RAPGEF5: variants seen among roughly 807,000 people sequenced by gnomAD.
RAPGEF5 encodes M-Ras-regulated GEF.
A neutral mutation model predicts 125.2 loss-of-function variants in RAPGEF5; 65 were observed. The ratio of observed to expected loss-of-function variants is 0.52; its 90% confidence interval spans 0.43 to 0.64. The LOEUF is 0.64. Among genes scored for constraint, RAPGEF5 ranks in the 30% least tolerant of loss-of-function variants. RAPGEF5 has a pLI of 0.00. For missense variants in RAPGEF5, 958 were observed against 1,048.1 expected, an observed-to-expected ratio of 0.91 and a Z score of 1.19; for synonymous variants, 391 against 385.9, an observed-to-expected ratio of 1.01 and a Z score of -0.16.
chr7:22,289,792 C>CG (rs1782888192), intron 6 of RAPGEF5, among the ~76,000 whole-genome samples: 1 of 152,074 alleles, frequency 6.6e-6, no homozygotes, highest in African/African-American at 2.4e-5. Context: ...GATTGTATCA[C>CG]GGGGGCAGTT....
intron 1 of RAPGEF5, among the ~76,000 whole-genome samples, chr7:22,323,142 G>C (rs1171491201): frequency 6.6e-6 from 1 of 152,196 alleles, no homozygotes; most frequent in Non-Finnish European, 1.5e-5. Flanking sequence ...CTAAGCTGAA[G>C]TATCTTCATG....
At chr7:22,154,411 G>C in intron 17 of RAPGEF5, 44 bp downstream of exon 17, 2 of 1,601,870 alleles carry the variant, frequency 1.2e-6, no homozygotes, top group East Asian at 4.5e-5. Context: ...CCTTTTGAAG[G>C]AGATCAGTGA....
At chr7:22,332,446 TATAA>T (rs1251446771) in intron 1 of RAPGEF5, among the ~76,000 whole-genome samples, 1 of 152,244 alleles carries the variant, frequency 6.6e-6, no homozygotes, top group Admixed American at 6.5e-5. Flanking sequence ...AAAGTCATCA[TATAA>T]ATAAAGCCCT....
At chr7:22,306,618 A>G (rs1017466681) in intron 5 of RAPGEF5, among the ~76,000 whole-genome samples, 1 of 152,132 alleles carries the variant, frequency 6.6e-6, no homozygotes, top group African/African-American at 2.4e-5. Flanking sequence ...GTGCTTGTGG[A>G]GTATTGCTCA....
intron 1 of RAPGEF5, among the ~76,000 whole-genome samples, chr7:22,323,624 T>G (rs1783758419): frequency 6.6e-6 from 1 of 152,192 alleles, no homozygotes; most frequent in Admixed American, 6.5e-5. Context: ...TTATCTCCAC[T>G]TGTCACTGAA....
At position 22,153,292 on chromosome 7, in the gene RAPGEF5, T is replaced by C. The variant is rs373734800; in HGVS notation, c.1786+1163A>G. ...CTTAATACTGTTTAAAATCCTTTTA[T>C]ATTTTTGGTCACTTGAAAATTAAAC... On this transcript the variant is annotated intron_variant, in intron 17 of 25. Coordinates refer to ENST00000665637, the MANE Select transcript of RAPGEF5 (RefSeq NM_012294.5). Among the ~76,000 whole-genome samples, 9 of 152,242 alleles carry C rather than the reference T, an allele frequency of 5.9e-5. No individual in the cohort carries two copies. The East Asian group carries it at 1.3e-3, about 23-fold the overall frequency.
chr7:22,142,980 A>C (rs1205602504), intron 20 of RAPGEF5, among the ~76,000 whole-genome samples: 2 of 152,206 alleles, frequency 1.3e-5, no homozygotes, highest in Non-Finnish European at 2.9e-5. Context: ...AGCATTCAAG[A>C]GCATGGGGCC....
chr7:22,150,728 G>T (rs1468406615), intron 17 of RAPGEF5, among the ~76,000 whole-genome samples: 1 of 152,128 alleles, frequency 6.6e-6, no homozygotes, highest in East Asian at 1.9e-4. Context: ...GAGTCCTCTT[G>T]CAGTTATTTC....
chr7:22,314,623 T>C, intron 3 of RAPGEF5: 2 of 982,490 alleles, frequency 2.0e-6, no homozygotes, highest in Non-Finnish European at 2.4e-6. Context: ...TGATGGGTAT[T>C]GCACGTCATT....
intron 9 of RAPGEF5, chr7:22,202,980 A>T: frequency 3.8e-6 from 1 of 264,356 alleles, no homozygotes; most frequent in Non-Finnish European, 7.9e-6. Context: ...ACTAACACTG[A>T]AGTATTACAA....
At chr7:22,276,009 G>A (rs1252282008) in intron 6 of RAPGEF5, among the ~76,000 whole-genome samples, 1 of 152,118 alleles carries the variant, frequency 6.6e-6, no homozygotes, top group Non-Finnish European at 1.5e-5. Context: ...TTTCAAAGCT[G>A]CTCTTACAAC....
At chr7:22,152,485 A>G (rs2128107783) in intron 17 of RAPGEF5, among the ~76,000 whole-genome samples, 1 of 152,324 alleles carries the variant, frequency 6.6e-6, no homozygotes, top group Non-Finnish European at 1.5e-5. Context: ...GTTTGTCACT[A>G]TAATATGAAA....
At chr7:22,332,133 C>A (rs1339881374) in intron 1 of RAPGEF5, among the ~76,000 whole-genome samples, 2 of 152,106 alleles carry the variant, frequency 1.3e-5, no homozygotes, top group African/African-American at 4.8e-5. Flanking sequence ...AAAATTTTAA[C>A]TATATTTGAC....
chr7:22,241,421 A>G (rs1786328249), intron 7 of RAPGEF5, among the ~76,000 whole-genome samples: 2 of 152,162 alleles, frequency 1.3e-5, no homozygotes, highest in Non-Finnish European at 2.9e-5. Context: ...GCAGTCCAAG[A>G]TAAGTCCAGG....
chr7:22,119,995 A>G lies in RAPGEF5; in HGVS notation c.*2411T>C, dbSNP rs1236396958. 1 of 152,218 alleles carries G rather than the reference A, an allele frequency of 6.6e-6. No homozygotes were observed. The highest frequency in any genetic ancestry group is 2.4e-5 in the African/African-American group (1 of 41,448). The allele number at this position is 152,218 out of a possible 1,614,324, so 9.4% of individuals were successfully genotyped here. A position where few individuals can be genotyped will look rare whatever the true frequency, so the allele number is the denominator to read the frequency against. ...TCGGGCTTGAATTCTTTAATTCCAG[A>G]TCTAAGATTCTGCAAAGCTTTGGAA... On this transcript the variant is annotated 3_prime_UTR_variant, in exon 26 of 26. Transcript: ENST00000665637. This position sits in a 1 kb window ranked among gnomAD's most constrained non-coding sequence, Gnocchi z 4.1.
At position 22,121,455 on chromosome 7, in the gene RAPGEF5, G is replaced by A. The variant is rs1001705689; in HGVS notation, c.*951C>T. Reference sequence around the variant, plus strand: ...CTGCACTGGCTGCTGTCATTCCATAGTGTGGGCAAGGAGCCTGTATGAGGT... The same window carrying A: ...CTGCACTGGCTGCTGTCATTCCATAATGTGGGCAAGGAGCCTGTATGAGGT... On this transcript the variant is annotated 3_prime_UTR_variant, in exon 26 of 26. Transcript: ENST00000665637. 6.6e-6 allele frequency: 1 copy of A among 152,172 alleles called. No individual in the cohort carries two copies. Among genetic ancestry groups the A allele is most frequent in the Non-Finnish European group, 1.5e-5 (1 of 68,040 alleles). The allele number at this position is 152,172 out of a possible 1,614,324, so 9.4% of individuals were successfully genotyped here.
chr7:22,194,550 AG>A (rs1785100718), intron 9 of RAPGEF5: 1 of 962,892 alleles, frequency 1.0e-6, no homozygotes, highest in East Asian at 1.2e-4. Flanking sequence ...AAAGGCGGCA[AG>A]AAAAAAAAAA....
intron 9 of RAPGEF5, among the ~76,000 whole-genome samples, chr7:22,203,679 G>A (rs144501191): frequency 1.3e-5 from 2 of 152,164 alleles, no homozygotes; most frequent in African/African-American, 4.8e-5. Context: ...AAGGCCCGAG[G>A]GAATAGGTGA....
chr7:22,346,173 T>C (rs1237408824), intron 1 of RAPGEF5, among the ~76,000 whole-genome samples: 3 of 152,160 alleles, frequency 2.0e-5, no homozygotes, highest in African/African-American at 4.8e-5. Flanking sequence ...TATCCCACCA[T>C]TGGTTCCCAT....
Sources: gnomAD v4.1 joint callset for allele counts (sites outside exome capture counted in the v4.1 genomes callset) on GRCh38, gnomAD v4.1.1 for gene constraint, Gnocchi (gnomAD v3.1) non-coding constraint, MANE v1.5 for transcripts, NCBI Gene and HGNC (gene_info 2026-07-23, HGNC 2026-07-21) for gene names.